Variants in PLA2G2C observed in about 807,000 individuals in gnomAD.
PLA2G2C encodes putative inactive group IIC secretory phospholipase A2.
PLA2G2C carries 15 observed loss-of-function variants against 14.3 expected under a neutral mutation model. The observed-to-expected ratio is 1.05, with a 90% CI of 0.70 to 1.62. The LOEUF is 1.62. PLA2G2C is among the 40% of genes most tolerant of loss of function. The pLI, the probability that PLA2G2C is intolerant of heterozygous loss-of-function variation, is 0.00. For synonymous variants in PLA2G2C, 79 were observed against 67.7 expected (o/e 1.17, Z -0.82); for missense variants, 162 against 173.2 (o/e 0.94, Z 0.36).
Position 20,175,043 on chromosome 1 carries a change from A to C in PLA2G2C, c.143T>G (p.Leu48Arg), listed in dbSNP as rs767670416. The C allele has an allele frequency of 6.2e-7, 1 of 1,613,954 alleles. No homozygotes were observed. Among genetic ancestry groups the C allele is most frequent in the Non-Finnish European group, 8.5e-7 (1 of 1,179,854 alleles). Residue 48 changes from leucine (L) to arginine (R), a missense_variant, in exon 3 of 5, where the codon CTT becomes CGT. Leu to Arg is a moderately radical substitution (Grantham distance 102). Coordinates refer to ENST00000679259, the MANE Select transcript of PLA2G2C (RefSeq NM_001367969.2). ...SYYGYGCYCG[L>R]GDKGIPVDDT... The stretch of plus-strand genomic sequence containing the variant: ...ATCCACGGGGATCCCTTTATCCCCA[A>C]GCCCACAGTAGCAGCCATATCCGTA...
At chr1:20,171,760 T>TC (rs1274838607) in intron 4 of PLA2G2C, among the ~76,000 whole-genome samples, 1 of 100,496 alleles carries the variant, frequency 1.0e-5, no homozygotes, top group Admixed American at 1.0e-4. Flanking sequence ...CACTTCTTCT[T>TC]TTTTTTTTTT....
Position 20,163,604 on chromosome 1 carries a change from G to A in PLA2G2C, c.*387C>T, listed in dbSNP as rs2017907781. 1 of 162,056 alleles carries A rather than the reference G, an allele frequency of 6.2e-6. No homozygotes were observed. The highest frequency in any genetic ancestry group is 1.3e-5 in the Non-Finnish European group (1 of 75,030). 10.0% of individuals were successfully genotyped at this position (162,056 alleles called of 1,614,324 possible). ...AGAGAGAGTTTGGGGTAGATCCTGG[G>A]GCTTCTCCCCTCCTGGAAACCCTGG... On this transcript the variant is annotated 3_prime_UTR_variant, in exon 5 of 5. Transcript: ENST00000679259.
rs2018107381 is a variant in PLA2G2C at position 20,172,667 on chromosome 1, CAGGAATAT to C, written c.283+119_283+126del. On this transcript the variant is annotated intron_variant, in intron 4 of 4. Coordinates refer to ENST00000679259, the MANE Select transcript of PLA2G2C (RefSeq NM_001367969.2). Reference sequence around the variant, plus strand: ...AGCTCTGGAGCATCAGGAGAAAGCTCAGGAATATCTCCTTCCAAGCACTTGGAAGCATT... The same window carrying C: ...AGCTCTGGAGCATCAGGAGAAAGCTCCTCCTTCCAAGCACTTGGAAGCATT... 22 of 825,828 alleles carry C rather than the reference CAGGAATAT, an allele frequency of 2.7e-5. No homozygotes were observed. In the South Asian group the frequency reaches 4.0e-4, roughly 15 times the overall value. The allele number at this position is 825,828 out of a possible 1,614,324, so 51.2% of individuals were successfully genotyped here.
intron 4 of PLA2G2C, 119 bp from the exon 5 acceptor site, chr1:20,164,276 C>T: frequency 9.9e-7 from 1 of 1,008,544 alleles, no homozygotes; most frequent in Non-Finnish European, 1.4e-6. Flanking sequence ...GAAAGGAAAG[C>T]CACTGAAAGG....
rs1363231720 is a variant in PLA2G2C, at chr1:20,186,375, G to T, written c.-92C>A. ...CAGAGCTCACCTTTACCAAAATAGG[G>T]TGACTCCCGGGCTCTGCAGAAACCG... is the stretch of plus-strand genomic sequence containing the variant. On this transcript the variant is annotated 5_prime_UTR_variant, in exon 1 of 5. Coordinates refer to ENST00000679259, the MANE Select transcript of PLA2G2C (RefSeq NM_001367969.2). 2 of 152,292 alleles carry T rather than the reference G, an allele frequency of 1.3e-5. No individual in the cohort carries two copies. Among genetic ancestry groups the T allele is most frequent in the Non-Finnish European group, 2.9e-5 (2 of 68,086 alleles). 9.4% of individuals were successfully genotyped at this position (152,292 alleles called of 1,614,324 possible). A position where few individuals can be genotyped will look rare whatever the true frequency, so the allele number is the denominator to read the frequency against.
intron 2 of PLA2G2C, among the ~76,000 whole-genome samples, chr1:20,175,741 C>T (rs372150923): frequency 3.9e-5 from 6 of 152,014 alleles, no homozygotes; most frequent in Admixed American, 2.6e-4. Flanking sequence ...ACATGTCCAC[C>T]GACAGGGGGA....
At position 20,163,774 on chromosome 1, in the gene PLA2G2C, C is replaced by T; in HGVS notation, c.*217G>A. ...AGAATGCCAGCTCCTGCAGGGCAGG[C>T]ATCTCATCTTTCCCATTTCTGCTCT... On this transcript the variant is annotated 3_prime_UTR_variant, in exon 5 of 5. Transcript: ENST00000679259. The T allele has an allele frequency of 1.8e-6, 1 of 555,582 alleles. No individual in the cohort carries two copies. Among genetic ancestry groups the T allele is most frequent in the Non-Finnish European group, 3.2e-6 (1 of 317,050 alleles). 34.4% of individuals were successfully genotyped at this position (555,582 alleles called of 1,614,324 possible).
intron 3 of PLA2G2C, among the ~76,000 whole-genome samples, chr1:20,174,258 T>C (rs1343737527): frequency 6.6e-6 from 1 of 152,204 alleles, no homozygotes; most frequent in Admixed American, 6.5e-5. Flanking sequence ...CTAGGTTAAA[T>C]GTGGCAAGGA....
Position 20,175,073 on chromosome 1 carries a change from G to A in PLA2G2C, c.113C>T (p.Ser38Leu). The change falls in exon 3 of 5, where the codon TCA (serine) becomes TTA (leucine). Residue 38 changes from serine to leucine, a missense_variant. Transcript: ENST00000679259. ...ACAGTAGCAGCCATATCCGTAATATGAGAAGAAGGCACTTCGCCCCGTGAT... is the reference window on the plus strand; with the variant it reads ...ACAGTAGCAGCCATATCCGTAATATAAGAAGAAGGCACTTCGCCCCGTGAT... ...KHITGRSAFF[S>L]YYGYGCYCGL... The A allele has an allele frequency of 6.2e-7, 1 of 1,614,022 alleles. No homozygotes were observed. The highest frequency in any genetic ancestry group is 1.6e-4 in the Middle Eastern group (1 of 6,062).
At chr1:20,176,708 T>C (rs1214627459) in intron 2 of PLA2G2C, among the ~76,000 whole-genome samples, 1 of 152,218 alleles carries the variant, frequency 6.6e-6, no homozygotes, top group Non-Finnish European at 1.5e-5. Context: ...CATCTTTGAC[T>C]TAGGGACTCA....
chr1:20,174,131 C>T lies in PLA2G2C; in HGVS notation c.179+876G>A, dbSNP rs576596085. Among the ~76,000 whole-genome samples the T allele has an allele frequency of 4.8e-4, 73 of 152,280 alleles. 1 individual carries two copies. The highest frequency in any genetic ancestry group is 1.6e-4 in the Non-Finnish European group (11 of 68,014). On this transcript the variant is annotated intron_variant, in intron 3 of 4. Transcript: ENST00000679259. ...TTGGCACATAAGGGCATTTCATAAG[C>T]GTCAGTTGCCCTTCCAAGGCTCTGA... is the stretch of plus-strand genomic sequence containing the variant.
At chr1:20,171,585 G>C (rs183918099) in intron 4 of PLA2G2C, among the ~76,000 whole-genome samples, 3 of 152,040 alleles carry the variant, frequency 2.0e-5, no homozygotes, top group South Asian at 2.1e-4. Flanking sequence ...TGTATCTCCC[G>C]CCATAGGGGA....
intron 4 of PLA2G2C, among the ~76,000 whole-genome samples, chr1:20,165,693 C>CGTGTGTGCATGCGT (rs1436758686): frequency 6.6e-6 from 1 of 151,040 alleles, no homozygotes; most frequent in African/African-American, 2.4e-5. Context: ...TGTGCATGCG[C>CGTGTGTGCATGCGT]GTGTGTGCAT....
chr1:20,182,198 T>C (rs1282696009), intron 1 of PLA2G2C, among the ~76,000 whole-genome samples: 2 of 152,220 alleles, frequency 1.3e-5, no homozygotes, highest in South Asian at 2.1e-4. Context: ...TCATGCACCA[T>C]ATAATGACAT....
At chr1:20,183,339 C>T (rs1033036322) in intron 1 of PLA2G2C, among the ~76,000 whole-genome samples, 2 of 152,164 alleles carry the variant, frequency 1.3e-5, no homozygotes, top group African/African-American at 4.8e-5. Flanking sequence ...CTGCAGTCCC[C>T]ACGACCAGTG....
chr1:20,167,606 T>C (rs1289166399), intron 4 of PLA2G2C, among the ~76,000 whole-genome samples: 1 of 152,196 alleles, frequency 6.6e-6, no homozygotes, highest in East Asian at 1.9e-4. Context: ...ATGAGGCCCT[T>C]CTTTCCTCCT....
intron 1 of PLA2G2C, chr1:20,184,281 T>C (rs995755121): frequency 4.6e-5 from 7 of 152,276 alleles, no homozygotes; most frequent in Non-Finnish European, 1.0e-4. Context: ...TAGGTGATTT[T>C]AAAATAGCTG....
At chr1:20,168,758 A>G (rs2018021111) in intron 4 of PLA2G2C, among the ~76,000 whole-genome samples, 1 of 152,202 alleles carries the variant, frequency 6.6e-6, no homozygotes, top group Non-Finnish European at 1.5e-5. Context: ...TCCTCCCTGT[A>G]CCACACATGT....
chr1:20,182,483 T>C (rs999542087), intron 1 of PLA2G2C, among the ~76,000 whole-genome samples: 2 of 152,190 alleles, frequency 1.3e-5, no homozygotes, highest in Admixed American at 6.5e-5. Flanking sequence ...CTAGACCATC[T>C]AGGTTTGGGT....
Sources: allele counts gnomAD v4.1 joint callset (sites outside exome capture counted in the v4.1 genomes callset), GRCh38; gene constraint gnomAD v4.1.1; transcripts MANE v1.5; gene names NCBI Gene and HGNC (gene_info 2026-07-23, HGNC 2026-07-21).